ADCY2: variants seen among roughly 807,000 people sequenced by gnomAD.
ADCY2 encodes adenylate cyclase type 2.
In ADCY2, 31 loss-of-function variants were observed where a neutral mutation model predicts 125.2. That is an observed-to-expected ratio of 0.25 (90% CI 0.19 to 0.33). The LOEUF (loss-of-function observed/expected upper bound fraction) is 0.33. Ranked by LOEUF, ADCY2 falls within the 10% of genes least tolerant of loss-of-function variation. ADCY2 has a pLI of 1.00. For synonymous variants in ADCY2, 512 were observed against 548.4 expected (o/e 0.93, Z 0.93); for missense variants, 904 against 1,418.2 (o/e 0.64, Z 5.82).
At chr5:7,479,712 C>T (rs1310400426) in intron 2 of ADCY2, among the ~76,000 whole-genome samples, 2 of 151,970 alleles carry the variant, frequency 1.3e-5, no homozygotes, top group African/African-American at 4.8e-5. Context: ...TTTTTGTACC[C>T]ATTATCCATA....
intron 17 of ADCY2, 129 bp downstream of exon 17, chr5:7,766,935 G>A: frequency 8.1e-7 from 1 of 1,229,382 alleles, no homozygotes; most frequent in Non-Finnish European, 1.1e-6. Flanking sequence ...TCCCTGAGTG[G>A]TTCTGAATTT....
At chr5:7,487,468 T>C (rs989558242) in intron 2 of ADCY2, among the ~76,000 whole-genome samples, 10 of 152,214 alleles carry the variant, frequency 6.6e-5, no homozygotes, top group South Asian at 2.1e-4. Flanking sequence ...AAAGAAAGTC[T>C]CCTCTTCCTG....
At position 7,409,689 on chromosome 5, in the gene ADCY2, A is replaced by G. The variant is rs534750900; in HGVS notation, c.211-4884A>G. Among the ~76,000 whole-genome samples the G allele has an allele frequency of 5.9e-5, 9 of 152,350 alleles. No individual in the cohort carries two copies. In the East Asian group the frequency reaches 1.7e-3, roughly 29 times the overall value. On this transcript the variant is annotated intron_variant, in intron 1 of 24. Coordinates refer to ENST00000338316, the MANE Select transcript of ADCY2 (RefSeq NM_020546.3). Reference sequence around the variant, plus strand: ...TTCAATTAGGCCAAGATTACTAATTATGATGTTCAAATCCTTTAACATCTT... The same window carrying G: ...TTCAATTAGGCCAAGATTACTAATTGTGATGTTCAAATCCTTTAACATCTT...
Position 7,690,717 on chromosome 5 carries a change from G to C in ADCY2, c.747G>C (p.Pro249=). ...QQERLLLSLL[P]AHIAMEMKAE... ...AGCGGCTTCTGCTCTCCCTGCTGCC[G>C]GCCCACATCGCCATGGAGATGAAAG... The change falls in exon 5 of 25, where the codon CCG becomes CCC. Residue 249 remains proline (P), a synonymous_variant. Transcript: ENST00000338316. The C allele has an allele frequency of 1.9e-6, 3 of 1,600,510 alleles. No homozygotes were observed. The highest frequency in any genetic ancestry group is 2.6e-6 in the Non-Finnish European group (3 of 1,174,700).
intron 15 of ADCY2, among the ~76,000 whole-genome samples, chr5:7,745,201 C>A (rs936750701): frequency 9.2e-5 from 14 of 152,230 alleles, no homozygotes; most frequent in Admixed American, 8.5e-4. Flanking sequence ...CTGACCCCCA[C>A]GCTGTCCATT....
intron 24 of ADCY2, 51 bp from the exon 25 acceptor site, chr5:7,826,668 T>A (rs1745489044): frequency 6.2e-7 from 1 of 1,613,142 alleles, no homozygotes; most frequent in African/African-American, 1.3e-5. Flanking sequence ...TCAGATGGGT[T>A]GTATCAATGT....
intron 9 of ADCY2, 131 bp downstream of exon 9, chr5:7,707,969 A>G (rs1176422513): frequency 3.1e-6 from 3 of 971,362 alleles, no homozygotes; most frequent in East Asian, 2.6e-5. Flanking sequence ...TTAAATGCAT[A>G]TGGTGGTTTA....
At chr5:7,718,298 G>A (rs552972985) in intron 12 of ADCY2, among the ~76,000 whole-genome samples, 12 of 151,956 alleles carry the variant, frequency 7.9e-5, no homozygotes, top group African/African-American at 1.2e-4. Context: ...ACAGGCGATC[G>A]CCACCACACC....
chr5:7,405,503 G>T (rs1739448396), intron 1 of ADCY2, among the ~76,000 whole-genome samples: 1 of 152,140 alleles, frequency 6.6e-6, no homozygotes, highest in African/African-American at 2.4e-5. Flanking sequence ...GTTGAGTGGG[G>T]TGCCAGGTCA....
chr5:7,439,097 A>G (rs914316298), intron 2 of ADCY2, among the ~76,000 whole-genome samples: 2 of 152,220 alleles, frequency 1.3e-5, no homozygotes, highest in Admixed American at 6.5e-5. Flanking sequence ...TTAGGAAGAC[A>G]TCATTGCCAT....
chr5:7,432,056 C>T (rs1174838335), intron 2 of ADCY2, among the ~76,000 whole-genome samples: 1 of 152,114 alleles, frequency 6.6e-6, no homozygotes, highest in African/African-American at 2.4e-5. Context: ...AGCTGGATGT[C>T]AGAGACTACC....
intron 2 of ADCY2, among the ~76,000 whole-genome samples, chr5:7,475,223 T>A (rs948189311): frequency 6.6e-6 from 1 of 152,074 alleles, no homozygotes; most frequent in Admixed American, 6.5e-5. Flanking sequence ...GCGAAGAAGA[T>A]CAGAGGTAAA....
intron 2 of ADCY2, among the ~76,000 whole-genome samples, chr5:7,484,869 G>A (rs554378043): frequency 1.3e-5 from 2 of 152,168 alleles, no homozygotes; most frequent in East Asian, 3.9e-4. Flanking sequence ...CTTCAGACCC[G>A]ATTTCCCATA....
In ADCY2 at chr5:7,414,759, C is replaced by T. The variant is rs763949561; in HGVS notation, c.397C>T (p.Pro133Ser). The T allele has an allele frequency of 2.5e-6, 4 of 1,609,852 alleles. No individual in the cohort carries two copies. The highest frequency in any genetic ancestry group is 2.2e-5 in the East Asian group (1 of 44,716). The change falls in exon 2 of 25, where the codon CCC (proline) becomes TCC (serine). Residue 133 changes from proline to serine, a missense_variant. Physicochemically the swap from Pro to Ser is moderately conservative, Grantham distance 74. Around this residue, in one of 7 missense-constraint regions of ADCY2, gnomAD observed 121 missense variants for 161.5 expected, o/e 0.75. Coordinates refer to ENST00000338316, the MANE Select transcript of ADCY2 (RefSeq NM_020546.3). ...CATGTGTTTTGGAGGCACCGTCTCT[C>T]CCTGGGACCAGGTAAGGTGTGAAAA... is the stretch of plus-strand genomic sequence containing the variant. ...LFMCFGGTVSPWDQVSFFLFI... is the reference protein window; with the variant it reads ...LFMCFGGTVSSWDQVSFFLFI...
At chr5:7,736,982 A>T (rs1742268239) in intron 14 of ADCY2, among the ~76,000 whole-genome samples, 1 of 152,200 alleles carries the variant, frequency 6.6e-6, no homozygotes, top group Non-Finnish European at 1.5e-5. Flanking sequence ...CAATACTTCT[A>T]ATGATAAATA....
intron 2 of ADCY2, among the ~76,000 whole-genome samples, chr5:7,415,709 C>T (rs1250935172): frequency 1.3e-5 from 2 of 152,164 alleles, no homozygotes; most frequent in Non-Finnish European, 2.9e-5. Flanking sequence ...GGCCTCAGGT[C>T]ATATCCTGAG....
chr5:7,683,690 T>C (rs1740414574), intron 4 of ADCY2, among the ~76,000 whole-genome samples: 1 of 152,148 alleles, frequency 6.6e-6, no homozygotes, highest in Non-Finnish European at 1.5e-5. Flanking sequence ...AGTCAACACA[T>C]TTCAGAACGA....
At chr5:7,798,043 C>T (rs1162074974) in intron 20 of ADCY2, 1 of 152,434 alleles carries the variant, frequency 6.6e-6, no homozygotes, top group Non-Finnish European at 1.5e-5. Flanking sequence ...GTTGTTTGGA[C>T]AGCAAAGGGT....
At chr5:7,714,830 G>A (rs1741547810) in intron 11 of ADCY2, among the ~76,000 whole-genome samples, 1 of 152,352 alleles carries the variant, frequency 6.6e-6, no homozygotes, top group South Asian at 2.1e-4. Context: ...ATACCTGTCT[G>A]AGCCTCCAGC....
Sources: allele counts gnomAD v4.1 joint callset (sites outside exome capture counted in the v4.1 genomes callset), GRCh38; gene constraint gnomAD v4.1.1; regional missense constraint gnomAD v4.1.1; transcripts MANE v1.5; gene names NCBI Gene and HGNC (gene_info 2026-07-23, HGNC 2026-07-21).